The following AMBRA1 variants were observed in gnomAD, a reference collection of about 807,000 sequenced individuals.
The protein encoded by AMBRA1 is autophagy and beclin 1 regulator 1.
Under a neutral mutation model 125.4 loss-of-function variants are expected in AMBRA1, and 47 were observed. The observed-to-expected ratio is 0.37, with a 90% confidence interval of 0.30 to 0.48. The LOEUF (loss-of-function observed/expected upper bound fraction) is 0.48. AMBRA1 is among the 20% of genes least tolerant of loss of function. The pLI, the probability that AMBRA1 is intolerant of heterozygous loss-of-function variation, is 0.99. For missense variants in AMBRA1, 1,331 were observed against 1,693.4 expected, an observed-to-expected ratio of 0.79 and a Z score of 3.76; for synonymous variants, 626 against 655.5, an observed-to-expected ratio of 0.95 and a Z score of 0.69.
In AMBRA1 at chr11:46,469,736, C is replaced by T. The variant is rs149931117; in HGVS notation, c.2521+23872G>A. Among the ~76,000 whole-genome samples the T allele has an allele frequency of 2.8e-3, 425 of 152,128 alleles. 3 individuals are homozygous for T. Among genetic ancestry groups the T allele is most frequent in the African/African-American group, 9.9e-3 (409 of 41,498 alleles). On this transcript the variant is annotated intron_variant, in intron 11 of 17. Coordinates refer to ENST00000683756, the MANE Select transcript of AMBRA1 (RefSeq NM_001387011.1). ...GTGGAGTGCAGTGGTACGATCATTGCTCACTGCAGCCTCGAACTCCTGGGC... is the reference window on the plus strand; with the variant it reads ...GTGGAGTGCAGTGGTACGATCATTGTTCACTGCAGCCTCGAACTCCTGGGC...
At chr11:46,565,267 A>AT (rs1284821340) in intron 1 of AMBRA1, among the ~76,000 whole-genome samples, 1 of 151,962 alleles carries the variant, frequency 6.6e-6, no homozygotes, top group Non-Finnish European at 1.5e-5. Context: ...TAAAAAAAAA[A>AT]CGAAAAGGAA....
At chr11:46,518,085 A>G (rs1293820161) in intron 7 of AMBRA1, 1 of 982,142 alleles carries the variant, frequency 1.0e-6, no homozygotes, top group Non-Finnish European at 1.2e-6. Flanking sequence ...CAACACACAA[A>G]AATCTTAAAG....
chr11:46,545,658 C>G lies in AMBRA1; in HGVS notation c.497G>C (p.Ser166Thr). ...CACCACAGCAAAGGGTTCCCGTCGA[C>G]TCCAGTCCCAGAAGTGGATCTCATT... ...TANEIHFWDW[S>T]RREPFAVVKT... The change falls in exon 5 of 18, where the codon AGT becomes ACT. Residue 166 changes from serine to threonine, a missense_variant. Physicochemically the swap from Ser to Thr is moderately conservative, Grantham distance 58 (BLOSUM62 1). Around this residue, in one of 4 missense-constraint regions of AMBRA1, gnomAD observed 144 missense variants for 250.4 expected, o/e 0.58. Transcript: ENST00000683756. 2 of 1,614,154 alleles carry G rather than the reference C, an allele frequency of 1.2e-6. No individual in the cohort carries two copies. Among genetic ancestry groups the G allele is most frequent in the Non-Finnish European group, 1.7e-6 (2 of 1,180,008 alleles).
intron 11 of AMBRA1, among the ~76,000 whole-genome samples, chr11:46,481,276 G>A (rs920732862): frequency 2.6e-5 from 4 of 152,136 alleles, no homozygotes; most frequent in African/African-American, 7.2e-5. Flanking sequence ...TTCATTGTTT[G>A]GGAATATAAT....
At chr11:46,522,094 AACAGAATGTAT>A (rs992385004) in intron 7 of AMBRA1, among the ~76,000 whole-genome samples, 1 of 152,216 alleles carries the variant, frequency 6.6e-6, no homozygotes, top group Admixed American at 6.5e-5. Context: ...AGAGGCTAGA[AACAGAATGTAT>A]ACATAGTGTG....
At chr11:46,461,408 A>C (rs1257260241) in intron 11 of AMBRA1, among the ~76,000 whole-genome samples, 2 of 152,222 alleles carry the variant, frequency 1.3e-5, no homozygotes, top group Non-Finnish European at 2.9e-5. Context: ...TTCTGGGCAT[A>C]TGTTTGCAAG....
At chr11:46,418,472 A>G (rs1299301846) in intron 14 of AMBRA1, among the ~76,000 whole-genome samples, 3 of 151,074 alleles carry the variant, frequency 2.0e-5, no homozygotes, top group Non-Finnish European at 4.4e-5. Flanking sequence ...ACATATGTAT[A>G]CACGTGCCAC....
At chr11:46,412,824 A>G (rs1172689479) in intron 15 of AMBRA1, among the ~76,000 whole-genome samples, 2 of 152,214 alleles carry the variant, frequency 1.3e-5, no homozygotes, top group Non-Finnish European at 2.9e-5. Context: ...GCCAGAAGTA[A>G]CAGCAGAGGC....
At chr11:46,570,984 T>C (rs1356078618) in intron 1 of AMBRA1, among the ~76,000 whole-genome samples, 1 of 152,214 alleles carries the variant, frequency 6.6e-6, no homozygotes, top group African/African-American at 2.4e-5. Context: ...TGCAATATAC[T>C]GTAACCATAA....
intron 4 of AMBRA1, among the ~76,000 whole-genome samples, chr11:46,546,633 A>C (rs552205790): frequency 6.6e-6 from 1 of 152,270 alleles, no homozygotes; most frequent in African/African-American, 2.4e-5. Flanking sequence ...CAAAAAAAAA[A>C]AAAAGGAATG....
intron 14 of AMBRA1, among the ~76,000 whole-genome samples, chr11:46,426,310 G>A (rs1285697969): frequency 6.6e-6 from 1 of 152,140 alleles, no homozygotes; most frequent in African/African-American, 2.4e-5. Flanking sequence ...AGCTAACTAA[G>A]CACAGTGAGG....
chr11:46,523,692 G>A (rs1271734492), intron 7 of AMBRA1, among the ~76,000 whole-genome samples: 1 of 152,164 alleles, frequency 6.6e-6, no homozygotes, highest in Non-Finnish European at 1.5e-5. Flanking sequence ...GCTTTACCCA[G>A]ATGCGCTTTA....
chr11:46,415,265 G>A (rs1946486320), intron 15 of AMBRA1, among the ~76,000 whole-genome samples: 2 of 152,212 alleles, frequency 1.3e-5, no homozygotes, highest in Non-Finnish European at 2.9e-5. Flanking sequence ...TGCGCTCACT[G>A]ATCCTCTCTC....
chr11:46,490,902 T>C (rs1454499823), intron 11 of AMBRA1: 1 of 152,214 alleles, frequency 6.6e-6, no homozygotes, highest in African/African-American at 2.4e-5. Context: ...ATTCCAATCA[T>C]ACATGACAAA....
At chr11:46,519,181 GC>G (rs1401469127) in intron 7 of AMBRA1, among the ~76,000 whole-genome samples, 1 of 152,132 alleles carries the variant, frequency 6.6e-6, no homozygotes, top group Non-Finnish European at 1.5e-5. Flanking sequence ...GCACCACCAA[GC>G]CTGGCTAATT....
intron 1 of AMBRA1, among the ~76,000 whole-genome samples, chr11:46,588,614 A>T (rs950546804): frequency 2.1e-5 from 3 of 139,666 alleles, no homozygotes; most frequent in Non-Finnish European, 3.1e-5. Context: ...CGTCTCTACT[A>T]AAAAAAAAAA....
At chr11:46,436,593 T>C (rs1273579131) in intron 12 of AMBRA1, among the ~76,000 whole-genome samples, 1 of 151,998 alleles carries the variant, frequency 6.6e-6, no homozygotes, top group African/African-American at 2.4e-5. Context: ...TAATTAGCAC[T>C]GGGACCGTCT....
rs1396399892 is a variant in AMBRA1 at position 46,542,898 on chromosome 11, T to C, written c.1119A>G (p.Thr373=). 5.6e-6 allele frequency: 9 copies of C among 1,612,466 alleles called. No homozygotes were observed. Among genetic ancestry groups the C allele is most frequent in the African/African-American group, 1.3e-5 (1 of 74,806 alleles). ...TGTTGCCGGCAGTGCTGCTCTGGAC[T>C]GTACTGAAGGCAGACGGCCGGTTCA... is the stretch of plus-strand genomic sequence containing the variant. ...GLLNRPSAFS[T]VQSSTAGNTL... The change falls in exon 7 of 18, where the codon ACA becomes ACG. Residue 373 remains threonine, a synonymous_variant. Coordinates refer to ENST00000683756, the MANE Select transcript of AMBRA1 (RefSeq NM_001387011.1). This position sits in a 1 kb window ranked among gnomAD's most constrained non-coding sequence, Gnocchi z 5.9.
chr11:46,549,767 C>T (rs775360274), intron 1 of AMBRA1, among the ~76,000 whole-genome samples: 11 of 151,762 alleles, frequency 7.2e-5, no homozygotes, highest in Admixed American at 2.6e-4. Flanking sequence ...GAATGGCCTC[C>T]ATGTTTTGTT....
Sources: allele counts gnomAD v4.1 joint callset (sites outside exome capture counted in the v4.1 genomes callset), GRCh38; gene constraint gnomAD v4.1.1; regional missense constraint gnomAD v4.1.1; non-coding constraint Gnocchi (gnomAD v3.1); transcripts MANE v1.5; gene names NCBI Gene and HGNC (gene_info 2026-07-23, HGNC 2026-07-21).